BEST3: variants seen among roughly 807,000 people sequenced by gnomAD.
BEST3 encodes the protein bestrophin-3.
In BEST3, 50 loss-of-function variants were observed where a neutral mutation model predicts 47.1. The ratio of observed to expected loss-of-function variants is 1.06; its 90% CI spans 0.85 to 1.34. The LOEUF is 1.34. Ranked by LOEUF, BEST3 falls within the 40% of genes most tolerant of loss-of-function variation. BEST3 has a pLI of 0.00. For missense variants in BEST3, 765 were observed against 817.0 expected, an observed-to-expected ratio of 0.94 and a Z score of 0.78; for synonymous variants, 282 against 298.8, an observed-to-expected ratio of 0.94 and a Z score of 0.58.
intron 4 of BEST3, among the ~76,000 whole-genome samples, chr12:69,686,786 A>AAAAAAAAAAAAAAAAAAAAAAAAAAAG (rs371159662): frequency 7.0e-6 from 1 of 143,282 alleles, no homozygotes; most frequent in Non-Finnish European, 1.5e-5. Context: ...AAACAAAAAA[A>AAAAAAAAAAAAAAAAAAAAAAAAAAAG]AAAGAAAGAA....
chr12:69,694,096 G>A (rs1886040081), intron 3 of BEST3, 189 bp from the exon 4 acceptor site: 5 of 593,380 alleles, frequency 8.4e-6, no homozygotes, highest in East Asian at 2.8e-5. Flanking sequence ...CACCCTGTAA[G>A]TGGGTATTAG....
At chr12:69,649,511 G>T (rs1219094702), downstream of BEST3, among the ~76,000 whole-genome samples, 1 of 152,212 alleles carries the variant, frequency 6.6e-6, no homozygotes, top group East Asian at 1.9e-4. Flanking sequence ...TAGGAATTTA[G>T]CCTGTTGCTG....
chr12:69,652,236 T>A (rs1316641006), downstream of BEST3, among the ~76,000 whole-genome samples: 1 of 152,114 alleles, frequency 6.6e-6, no homozygotes, highest in East Asian at 1.9e-4. Context: ...ACATTTAATG[T>A]GAGAGAGTTG....
intron 4 of BEST3, among the ~76,000 whole-genome samples, chr12:69,689,867 G>T (rs748775139): frequency 6.6e-6 from 1 of 152,116 alleles, no homozygotes; most frequent in Non-Finnish European, 1.5e-5. Context: ...CTGAAACCTC[G>T]AATCCATCCT....
chr12:69,671,550 G>A lies in BEST3; in HGVS notation c.978C>T (p.His326=). 1 of 1,613,818 alleles carries A rather than the reference G, an allele frequency of 6.2e-7. No homozygotes were observed. Residue 326 remains histidine (H), a synonymous_variant, in exon 9 of 10, where the codon CAC becomes CAT. Transcript: ENST00000330891. ...QVSLLAVDEM[H]MSLPKMKKDI... is the part of the protein sequence containing the mutation. Reference sequence around the variant, plus strand: ...CCTTCTTCATCTTGGGTAAGCTCATGTGCATTTCGTCCACAGCTAAAAGAG... The same window carrying A: ...CCTTCTTCATCTTGGGTAAGCTCATATGCATTTCGTCCACAGCTAAAAGAG...
At chr12:69,689,867 G>A (rs748775139) in intron 4 of BEST3, among the ~76,000 whole-genome samples, 2 of 152,116 alleles carry the variant, frequency 1.3e-5, no homozygotes, top group African/African-American at 2.4e-5. Context: ...CTGAAACCTC[G>A]AATCCATCCT....
At chr12:69,665,326 A>C (rs1019841246) in intron 9 of BEST3, among the ~76,000 whole-genome samples, 1 of 152,208 alleles carries the variant, frequency 6.6e-6, no homozygotes, top group African/African-American at 2.4e-5. Context: ...AGTGAAATTC[A>C]GTATAGGTGG....
rs1886234975 is a variant in BEST3, at chr12:69,699,231, C to G, written c.-42G>C. 1.0e-6 allele frequency: 1 copy of G among 985,324 alleles called. No homozygotes were observed. Among genetic ancestry groups the G allele is most frequent in the Non-Finnish European group, 1.2e-6 (1 of 829,936 alleles). 61.0% of individuals were successfully genotyped at this position (985,324 alleles called of 1,614,324 possible). On this transcript the variant is annotated 5_prime_UTR_variant, in exon 1 of 10. Transcript: ENST00000330891. Reference sequence around the variant, plus strand: ...TATTTATTTGGTTTGTAGTCTCCGACAGGAAAGAGAATCTTCAAATTTCGG... The same window carrying G: ...TATTTATTTGGTTTGTAGTCTCCGAGAGGAAAGAGAATCTTCAAATTTCGG...
rs1883335510 is a variant in BEST3 at position 69,654,495 on chromosome 12, A to T, written c.*412T>A. On this transcript the variant is annotated 3_prime_UTR_variant, in exon 10 of 10. Coordinates refer to ENST00000330891, the MANE Select transcript of BEST3 (RefSeq NM_032735.3). The stretch of plus-strand genomic sequence containing the variant: ...TCCTTTCTTTATGGCTAAAGAAAAA[A>T]AGAAAGAGAAAAAAGAAGAGAAATA... 1 of 989,302 alleles carries T rather than the reference A, an allele frequency of 1.0e-6. No individual in the cohort carries two copies. Among genetic ancestry groups the T allele is most frequent in the Non-Finnish European group, 1.2e-6 (1 of 832,644 alleles). 61.3% of individuals were successfully genotyped at this position (989,302 alleles called of 1,614,324 possible).
chr12:69,672,822 G>A (rs1378843386), intron 8 of BEST3, 63 bp downstream of exon 8: 1 of 1,258,442 alleles, frequency 7.9e-7, no homozygotes, highest in East Asian at 2.4e-5. Flanking sequence ...AATCTGCTTA[G>A]ATTTGAAATA....
At chr12:69,647,736 CA>C (rs1246448401) in intron 9 of BEST3, among the ~76,000 whole-genome samples, 4 of 151,892 alleles carry the variant, frequency 2.6e-5, no homozygotes, top group African/African-American at 9.7e-5. Flanking sequence ...AAGCATAAAA[CA>C]AAAAAATTGA....
chr12:69,671,714 A>T, intron 8 of BEST3, 135 bp from the exon 9 acceptor site: 1 of 774,160 alleles, frequency 1.3e-6, no homozygotes. Flanking sequence ...TCTGTAGTTC[A>T]TACTTGCCAT....
chr12:69,651,755 G>A (rs1273649655), downstream of BEST3, among the ~76,000 whole-genome samples: 1 of 139,840 alleles, frequency 7.2e-6, no homozygotes, highest in East Asian at 2.0e-4. Flanking sequence ...AGCTCTGGGC[G>A]ACAAAGTGAG....
At chr12:69,680,941 TAATA>T (rs3050216) in intron 4 of BEST3, among the ~76,000 whole-genome samples, 45,589 of 151,672 alleles carry the variant, frequency 0.3, 7,293 homozygotes, top group East Asian at 0.49. Context: ...TAACATTAAT[TAATA>T]GTTAATAGTA....
chr12:69,679,167 G>A (rs1438033639), intron 4 of BEST3, among the ~76,000 whole-genome samples: 1 of 152,236 alleles, frequency 6.6e-6, no homozygotes, highest in African/African-American at 2.4e-5. Context: ...GACATTAAAT[G>A]TGAACTAGAA....
At chr12:69,663,353 T>A (rs1883982725) in intron 9 of BEST3, among the ~76,000 whole-genome samples, 1 of 152,240 alleles carries the variant, frequency 6.6e-6, no homozygotes, top group South Asian at 2.1e-4. Context: ...TTGGGTAAAG[T>A]TATTTTTATC....
chr12:69,660,550 T>C (rs1883810546), intron 9 of BEST3: 1 of 152,134 alleles, frequency 6.6e-6, no homozygotes, highest in African/African-American at 2.4e-5. Context: ...TGGTGAAAAT[T>C]GTGGAGACAG....
chr12:69,655,494 C>G lies in BEST3; in HGVS notation c.1420G>C (p.Glu474Gln). ...FSMGELSTIR[E>Q]TSQTSTLQSL... ...TGTAAAGTGCTTGTCTGGCTGGTCT[C>G]CCTGATGGTGGACAGCTCTCCCATG... Residue 474 changes from glutamate to glutamine, a missense_variant, in exon 10 of 10, where the codon GAG becomes CAG. Glu to Gln is a conservative substitution (Grantham distance 29). Transcript: ENST00000330891. 1.2e-6 allele frequency: 2 copies of G among 1,614,106 alleles called. No homozygotes were observed. The highest frequency in any genetic ancestry group is 2.7e-5 in the African/African-American group (2 of 75,028).
chr12:69,648,194 A>G (rs776176), intron 9 of BEST3, among the ~76,000 whole-genome samples: 55,833 of 151,968 alleles, frequency 0.37, 10,555 homozygotes, highest in East Asian at 0.52. Flanking sequence ...AAACTCTTCT[A>G]TGGATCCCTA....
Sources: allele counts gnomAD v4.1 joint callset (sites outside exome capture counted in the v4.1 genomes callset), GRCh38; gene constraint gnomAD v4.1.1; transcripts MANE v1.5; gene names NCBI Gene and HGNC (gene_info 2026-07-23, HGNC 2026-07-21).